The following PTPRG variants were observed in gnomAD, a reference collection of about 807,000 sequenced individuals.
PTPRG encodes the protein protein tyrosine phosphatase receptor type G.
PTPRG carries 102 observed loss-of-function variants against 165.3 expected under a neutral mutation model. The ratio of observed to expected loss-of-function variants is 0.62; its 90% CI spans 0.53 to 0.73. PTPRG has a LOEUF of 0.73. Ranked by LOEUF, PTPRG falls within the 30% of genes least tolerant of loss-of-function variation. The pLI, the probability that PTPRG is intolerant of heterozygous loss-of-function variation, is 0.00. For missense variants in PTPRG, 1,866 were observed against 1,861.4 expected, an observed-to-expected ratio of 1.00 and a Z score of -0.05; for synonymous variants, 675 against 669.5, an observed-to-expected ratio of 1.01 and a Z score of -0.13.
At chr3:61,818,852 A>T (rs1485604239) in intron 2 of PTPRG, among the ~76,000 whole-genome samples, 1 of 93,678 alleles carries the variant, frequency 1.1e-5, no homozygotes, top group African/African-American at 5.4e-5. Flanking sequence ...GTGAATAGTG[A>T]AATAGTGAAT....
chr3:62,193,864 G>A (rs1288322578), intron 9 of PTPRG, among the ~76,000 whole-genome samples: 1 of 152,228 alleles, frequency 6.6e-6, no homozygotes, highest in Admixed American at 6.5e-5. Context: ...CACATGCTTT[G>A]ATGATAAGAC....
intron 2 of PTPRG, among the ~76,000 whole-genome samples, chr3:61,983,428 T>C (rs1224208429): frequency 1.3e-5 from 2 of 152,158 alleles, no homozygotes; most frequent in Non-Finnish European, 2.9e-5. Context: ...ATTTGTAATA[T>C]AAGTTTATTG....
intron 2 of PTPRG, among the ~76,000 whole-genome samples, chr3:61,787,665 T>G (rs542892440): frequency 1.3e-5 from 2 of 152,344 alleles, no homozygotes; most frequent in South Asian, 4.1e-4. Flanking sequence ...ATTGGAAGCC[T>G]TTAATTTTGG....
intron 2 of PTPRG, among the ~76,000 whole-genome samples, chr3:61,802,526 G>A (rs1005687812): frequency 1.3e-5 from 2 of 152,174 alleles, no homozygotes; most frequent in African/African-American, 4.8e-5. Context: ...GGTAAAGTTG[G>A]CCAGTATTCT....
chr3:62,282,540 A>T (rs1702490066), intron 27 of PTPRG, among the ~76,000 whole-genome samples, 187 bp from the exon 28 acceptor site: 1 of 143,776 alleles, frequency 7.0e-6, no homozygotes, highest in African/African-American at 2.5e-5. Context: ...TGCTTTTTTT[A>T]AAAAACAAAA....
At position 62,240,957 on chromosome 3, in the gene PTPRG, TTG is replaced by T. The variant is rs1161582977; in HGVS notation, c.2376-2844_2376-2843del. On this transcript the variant is annotated intron_variant, in intron 14 of 29. Coordinates refer to ENST00000474889, the MANE Select transcript of PTPRG (RefSeq NM_002841.4). The surrounding 1 kb of genome is among the most constrained non-coding windows in gnomAD (Gnocchi z 5.1). ...CATAAATACTAGGAGAGTAGGTGCC[TTG>T]TGTGTCTTGTTTATCATTGTGCTCC... 6.6e-6 allele frequency among the ~76,000 whole-genome samples: 1 copy of T among 152,184 alleles called. No homozygotes were observed. The highest frequency in any genetic ancestry group is 2.4e-5 in the African/African-American group (1 of 41,440).
chr3:61,830,545 G>C (rs2036250554), intron 2 of PTPRG, among the ~76,000 whole-genome samples: 1 of 147,368 alleles, frequency 6.8e-6, no homozygotes, highest in African/African-American at 2.5e-5. Flanking sequence ...CTTAAAACTG[G>C]TGATGGTTCT....
At chr3:62,084,845 G>C (rs1701694109) in intron 5 of PTPRG, among the ~76,000 whole-genome samples, 1 of 152,186 alleles carries the variant, frequency 6.6e-6, no homozygotes, top group African/African-American at 2.4e-5. Context: ...AGATCATTGA[G>C]GCTTGAGAGT....
chr3:61,681,054 TAAAAAAAAAAA>T (rs61198100), intron 1 of PTPRG, among the ~76,000 whole-genome samples: 2 of 66,104 alleles, frequency 3.0e-5, no homozygotes, highest in Non-Finnish European at 5.8e-5. Flanking sequence ...CTTTATGTTC[TAAAAAAAAAAA>T]AAAAAAAAAA....
At chr3:61,781,498 C>G (rs2034543678) in intron 2 of PTPRG, among the ~76,000 whole-genome samples, 1 of 152,122 alleles carries the variant, frequency 6.6e-6, no homozygotes, top group African/African-American at 2.4e-5. Flanking sequence ...ATCATCACTT[C>G]CTACATCCTG....
chr3:61,562,525 C>T (rs1699785156), intron 1 of PTPRG, among the ~76,000 whole-genome samples, 153 bp downstream of exon 1: 1 of 149,918 alleles, frequency 6.7e-6, no homozygotes, highest in Non-Finnish European at 1.5e-5. Context: ...AGGATTGCTC[C>T]GCTGGCTTGG....
intron 17 of PTPRG, among the ~76,000 whole-genome samples, chr3:62,265,896 TACACACACACACACAC>T (rs143246257): frequency 6.4e-4 from 83 of 130,612 alleles, no homozygotes; most frequent in African/African-American, 2.4e-3. Context: ...GTGCCTTATA[TACACACACACACACAC>T]ACACACACAC....
At chr3:61,905,211 G>A (rs1426989192) in intron 2 of PTPRG, among the ~76,000 whole-genome samples, 1 of 152,170 alleles carries the variant, frequency 6.6e-6, no homozygotes, top group Non-Finnish European at 1.5e-5. Context: ...CGTAAGGGCT[G>A]GGGAGGACAT....
At chr3:61,888,421 C>T (rs1047563736) in intron 2 of PTPRG, among the ~76,000 whole-genome samples, 12 of 152,052 alleles carry the variant, frequency 7.9e-5, no homozygotes, top group Admixed American at 2.0e-4. Flanking sequence ...GCAAGCTCCA[C>T]CTCCCGGGTT....
chr3:61,599,168 A>G (rs929995494), intron 1 of PTPRG, among the ~76,000 whole-genome samples: 2 of 152,194 alleles, frequency 1.3e-5, no homozygotes, highest in Admixed American at 1.3e-4. Context: ...TTAACTAATG[A>G]TAGTCTTGCC....
chr3:62,021,534 C>T (rs1456510689), intron 4 of PTPRG, among the ~76,000 whole-genome samples: 4 of 152,138 alleles, frequency 2.6e-5, no homozygotes, highest in South Asian at 2.1e-4. Flanking sequence ...TACATTGTCT[C>T]GGCCTTCATG....
chr3:62,296,789 A>G lies in PTPRG; in HGVS notation c.*3482A>G, dbSNP rs547191684. 4 of 152,164 alleles carry G rather than the reference A, an allele frequency of 2.6e-5. No individual in the cohort carries two copies. The highest frequency in any genetic ancestry group is 9.6e-5 in the African/African-American group (4 of 41,546). The allele number at this position is 152,164 out of a possible 1,614,324, so 9.4% of individuals were successfully genotyped here. On this transcript the variant is annotated 3_prime_UTR_variant, in exon 30 of 30. Transcript: ENST00000474889. ...CAAATAGGAAGGAATTGTAATAATG[A>G]TATTTGGCCTCTACTTTGTCTTAGC...
chr3:62,184,295 T>A (rs1304573882), intron 8 of PTPRG, among the ~76,000 whole-genome samples: 1 of 152,162 alleles, frequency 6.6e-6, no homozygotes, highest in Non-Finnish European at 1.5e-5. Flanking sequence ...ATTCCATCGT[T>A]CCCAGTTCCT....
intron 2 of PTPRG, among the ~76,000 whole-genome samples, chr3:61,860,588 G>A (rs1314402582): frequency 1.3e-5 from 2 of 151,608 alleles, no homozygotes; most frequent in African/African-American, 4.8e-5. Context: ...TTACAGGCAC[G>A]CACCAGCACT....
Sources: allele counts gnomAD v4.1 joint callset (sites outside exome capture counted in the v4.1 genomes callset), GRCh38; gene constraint gnomAD v4.1.1; non-coding constraint Gnocchi (gnomAD v3.1); transcripts MANE v1.5; gene names NCBI Gene and HGNC (gene_info 2026-07-23, HGNC 2026-07-21).